SPOCK1: variants seen among roughly 807,000 people sequenced by gnomAD.
SPOCK1 encodes testican-1.
A neutral mutation model predicts 55.3 loss-of-function variants in SPOCK1; 23 were observed. That is an observed-to-expected ratio of 0.42 (90% CI 0.30 to 0.59). SPOCK1 has a LOEUF of 0.59. Ranked by LOEUF, SPOCK1 falls within the 20% of genes least tolerant of loss-of-function variation. The pLI is 0.22. For synonymous variants in SPOCK1, 226 were observed against 221.0 expected (o/e 1.02, Z -0.20); for missense variants, 499 against 552.5 (o/e 0.90, Z 0.97).
At chr5:137,115,788 T>C (rs1753565621) in intron 4 of SPOCK1, among the ~76,000 whole-genome samples, 1 of 152,172 alleles carries the variant, frequency 6.6e-6, no homozygotes, top group South Asian at 2.1e-4. Context: ...TGTAAAGTTA[T>C]GTACAAGTAT....
chr5:137,089,480 G>A (rs1753016128), intron 5 of SPOCK1, among the ~76,000 whole-genome samples: 1 of 152,252 alleles, frequency 6.6e-6, no homozygotes, highest in East Asian at 1.9e-4. Context: ...CTTGGAGCCA[G>A]TGACCTGAGG....
At chr5:137,126,394 T>G (rs1288382279) in intron 4 of SPOCK1, among the ~76,000 whole-genome samples, 2 of 152,204 alleles carry the variant, frequency 1.3e-5, no homozygotes, top group East Asian at 3.8e-4. Flanking sequence ...TGTTCCTTCA[T>G]AGCAACACAA....
chr5:137,166,645 T>C (rs1212002756), intron 3 of SPOCK1, among the ~76,000 whole-genome samples: 2 of 152,032 alleles, frequency 1.3e-5, no homozygotes, highest in African/African-American at 2.4e-5. Flanking sequence ...CAATAAGATA[T>C]AAATAAAAAC....
chr5:137,326,764 C>A (rs1758084525), intron 2 of SPOCK1, among the ~76,000 whole-genome samples: 1 of 152,202 alleles, frequency 6.6e-6, no homozygotes, highest in Non-Finnish European at 1.5e-5. Context: ...TCAGGAGATT[C>A]AACCTTTCAC....
At chr5:137,488,725 A>G (rs1754113761) in intron 2 of SPOCK1, among the ~76,000 whole-genome samples, 1 of 152,148 alleles carries the variant, frequency 6.6e-6, no homozygotes, top group South Asian at 2.1e-4. Context: ...ATTGCCTGGA[A>G]CACCTGCAGT....
At chr5:137,176,381 G>A (rs1754852247) in intron 3 of SPOCK1, among the ~76,000 whole-genome samples, 1 of 152,120 alleles carries the variant, frequency 6.6e-6, no homozygotes, top group Non-Finnish European at 1.5e-5. Flanking sequence ...TAGAAGCAGG[G>A]AAGACTCTTG....
intron 4 of SPOCK1, among the ~76,000 whole-genome samples, chr5:137,120,190 G>T (rs1224253850): frequency 6.6e-6 from 1 of 152,098 alleles, no homozygotes; most frequent in Non-Finnish European, 1.5e-5. Flanking sequence ...ACACATCCAG[G>T]TCAAGACTTG....
chr5:137,370,944 G>A (rs1355637580), intron 2 of SPOCK1, among the ~76,000 whole-genome samples: 1 of 152,164 alleles, frequency 6.6e-6, no homozygotes, highest in East Asian at 1.9e-4. Flanking sequence ...TGAGACCAGG[G>A]CTGTGCTGCT....
At chr5:137,448,655 G>T (rs188506056) in intron 2 of SPOCK1, among the ~76,000 whole-genome samples, 5 of 152,308 alleles carry the variant, frequency 3.3e-5, no homozygotes, top group Middle Eastern at 3.4e-3. Context: ...CCTTGAACTT[G>T]CATTTGCAAA....
At chr5:137,132,649 G>C (rs1184473572) in intron 4 of SPOCK1, among the ~76,000 whole-genome samples, 1 of 152,174 alleles carries the variant, frequency 6.6e-6, no homozygotes, top group South Asian at 2.1e-4. Context: ...ATTAGCATCT[G>C]AGCATGTGCA....
chr5:137,300,145 C>T (rs2117402), intron 2 of SPOCK1, among the ~76,000 whole-genome samples: 3 of 152,194 alleles, frequency 2.0e-5, no homozygotes, highest in Non-Finnish European at 4.4e-5. Flanking sequence ...AGTCTAGATT[C>T]AGTGACTTTT....
intron 6 of SPOCK1, among the ~76,000 whole-genome samples, chr5:137,041,269 A>G (rs1561588363): frequency 6.6e-6 from 1 of 152,222 alleles, no homozygotes; most frequent in East Asian, 1.9e-4. Context: ...ATAATTAGAT[A>G]TTCAAATGCA....
intron 3 of SPOCK1, among the ~76,000 whole-genome samples, chr5:137,149,232 G>T (rs918959328): frequency 1.3e-5 from 2 of 152,200 alleles, no homozygotes; most frequent in African/African-American, 4.8e-5. Flanking sequence ...ATGGGGAGAT[G>T]CATGAAGCCC....
At chr5:137,306,917 A>C (rs1180856970) in intron 2 of SPOCK1, among the ~76,000 whole-genome samples, 5 of 152,208 alleles carry the variant, frequency 3.3e-5, no homozygotes, top group Non-Finnish European at 5.9e-5. Context: ...ATGTTTGAAC[A>C]ACTGCAATCT....
At chr5:137,393,165 T>G (rs1395760141) in intron 2 of SPOCK1, among the ~76,000 whole-genome samples, 1 of 152,184 alleles carries the variant, frequency 6.6e-6, no homozygotes, top group African/African-American at 2.4e-5. Flanking sequence ...GTAGATCAAT[T>G]GCATTAGGGG....
At chr5:137,498,593 A>G (rs959534272) in intron 1 of SPOCK1, 35 bp from the exon 2 acceptor site, 1 of 1,293,840 alleles carries the variant, frequency 7.7e-7, no homozygotes. Flanking sequence ...ATGAGCGAAG[A>G]GGGCGGGCGG....
intron 5 of SPOCK1, 88 bp from the exon 6 acceptor site, chr5:137,067,917 T>A: frequency 9.3e-7 from 1 of 1,078,926 alleles, no homozygotes; most frequent in Non-Finnish European, 1.4e-6. Flanking sequence ...GCCCTTTGCT[T>A]CACAAAAGCA....
At chr5:137,489,393 A>C (rs1003097344) in intron 2 of SPOCK1, among the ~76,000 whole-genome samples, 16 of 152,214 alleles carry the variant, frequency 1.1e-4, no homozygotes, top group African/African-American at 3.9e-4. Context: ...TGACCAAGAA[A>C]CACTATGATC....
chr5:137,124,069 T>C (rs1440707876), intron 4 of SPOCK1, among the ~76,000 whole-genome samples: 1 of 151,230 alleles, frequency 6.6e-6, no homozygotes, highest in Non-Finnish European at 1.5e-5. Context: ...CGAAGAACTG[T>C]AGGTAATCAC....
Sources: gnomAD v4.1 joint callset for allele counts (sites outside exome capture counted in the v4.1 genomes callset) on GRCh38, gnomAD v4.1.1 for gene constraint, MANE v1.5 for transcripts, NCBI Gene and HGNC (gene_info 2026-07-23, HGNC 2026-07-21) for gene names.